The following FCRL3 variants were observed in gnomAD, a reference collection of about 807,000 sequenced individuals.
FCRL3 encodes Fc receptor-like protein 3.
Under a neutral mutation model 75.0 loss-of-function variants are expected in FCRL3, and 89 were observed. The observed-to-expected ratio is 1.19, with a 90% CI of 1.00 to 1.42. The LOEUF is 1.42. Ranked by LOEUF, FCRL3 falls within the 40% of genes most tolerant of loss-of-function variation. FCRL3 has a pLI of 0.00. For missense variants in FCRL3, 946 were observed against 880.0 expected, an observed-to-expected ratio of 1.07 and a Z score of -0.95; for synonymous variants, 376 against 348.5, an observed-to-expected ratio of 1.08 and a Z score of -0.88.
rs140417942 is a variant in FCRL3 at position 157,684,607 on chromosome 1, T to A, written c.1811-1363A>T. 9.3e-3 allele frequency among the ~76,000 whole-genome samples: 1,423 copies of A among 152,280 alleles called. 9 individuals are homozygous for A. The highest frequency in any genetic ancestry group is 0.014 in the Non-Finnish European group (945 of 68,016). On this transcript the variant is annotated intron_variant, in intron 10 of 14. Transcript: ENST00000368184. ...TGGCTATTTATTATACAAGCTAATA[T>A]TCCTTGAAGACATATGGGCCAGCAC...
At position 157,689,812 on chromosome 1, in the gene FCRL3, G is replaced by T. The variant is rs979690304; in HGVS notation, c.1796C>A (p.Ala599Asp). The part of the protein sequence containing the change: ...AAAALLHYAR[A>D]RRKPGGLSAT... ...TAGACACCCACCTGGTTTCCTTCGG[G>T]CCCTGGCGTAATGCAGCAGAGCAGC... Residue 599 changes from alanine to aspartate, a missense_variant, in exon 10 of 15, where the codon GCC becomes GAC. Transcript: ENST00000368184. 1.9e-6 allele frequency: 3 copies of T among 1,614,108 alleles called. No individual in the cohort carries two copies. The highest frequency in any genetic ancestry group is 2.5e-6 in the Non-Finnish European group (3 of 1,180,002).
rs774480933 is a variant in FCRL3 at position 157,699,526 on chromosome 1, CT to C, written c.52+165del. On this transcript the variant is annotated intron_variant, in intron 3 of 14. Transcript: ENST00000368184. ...AGAAAAAAAAAAAAAAACCTAGAGA[CT>C]GAAAAAGTCGGAGGAGGCTCTGTTC... Among the ~76,000 whole-genome samples, 157 of 151,082 alleles carry C rather than the reference CT, an allele frequency of 1.0e-3. 2 individuals are homozygous for C. The highest frequency in any genetic ancestry group is 1.5e-3 in the Admixed American group (22 of 15,166).
chr1:157,680,291 A>G (rs1255463874), intron 13 of FCRL3, among the ~76,000 whole-genome samples: 1 of 152,224 alleles, frequency 6.6e-6, no homozygotes, highest in Non-Finnish European at 1.5e-5. Context: ...GATGTGAACA[A>G]TAGAGCACCT....
chr1:157,679,861 TG>T (rs1654726843), intron 13 of FCRL3, among the ~76,000 whole-genome samples: 2 of 35,008 alleles, frequency 5.7e-5, no homozygotes, highest in African/African-American at 1.6e-4. Flanking sequence ...AAAAAAAAAA[TG>T]ACAGAAACTC....
chr1:157,690,586 A>C, intron 8 of FCRL3, 53 bp from the exon 9 acceptor site: 1 of 1,589,690 alleles, frequency 6.3e-7, no homozygotes, highest in Admixed American at 1.7e-5. Context: ...GGTATACAAG[A>C]GAACTTAATA....
chr1:157,679,150 T>C, intron 13 of FCRL3, 177 bp from the exon 14 acceptor site: 1 of 694,194 alleles, frequency 1.4e-6, no homozygotes, highest in Non-Finnish European at 2.5e-6. Context: ...ATCTTCTTGA[T>C]TTGCTTGATC....
At chr1:157,692,789 T>G (rs1383802056) in intron 8 of FCRL3, among the ~76,000 whole-genome samples, 2 of 152,240 alleles carry the variant, frequency 1.3e-5, no homozygotes, top group East Asian at 3.8e-4. Context: ...TATTTCATAT[T>G]GCTAATGCTT....
intron 6 of FCRL3, 79 bp downstream of exon 6, chr1:157,697,061 A>G (rs1000151000): frequency 6.2e-6 from 8 of 1,300,026 alleles, no homozygotes; most frequent in South Asian, 2.7e-5. Context: ...TATGTCCACC[A>G]TCCTAGGGGT....
In FCRL3 at chr1:157,678,402, T is replaced by G; in HGVS notation, c.*308A>C. The G allele has an allele frequency of 8.3e-7, 1 of 1,197,758 alleles. No homozygotes were observed. Among genetic ancestry groups the G allele is most frequent in the Non-Finnish European group, 1.0e-6 (1 of 958,770 alleles). 74.2% of individuals were successfully genotyped at this position (1,197,758 alleles called of 1,614,324 possible). Reference sequence around the variant, plus strand: ...TCAAATGGTCATGATTGTGCCCTTGTAACCCTGGCTAGACCATTTCTCTCT... The same window carrying G: ...TCAAATGGTCATGATTGTGCCCTTGGAACCCTGGCTAGACCATTTCTCTCT... On this transcript the variant is annotated 3_prime_UTR_variant, in exon 15 of 15. Coordinates refer to ENST00000368184, the MANE Select transcript of FCRL3 (RefSeq NM_052939.4).
At chr1:157,693,888 C>T (rs1655728236) in intron 8 of FCRL3, among the ~76,000 whole-genome samples, 1 of 152,084 alleles carries the variant, frequency 6.6e-6, no homozygotes, top group Non-Finnish European at 1.5e-5. Flanking sequence ...TCTGAGAGTA[C>T]AGGCGCATGC....
chr1:157,698,028 C>T, intron 4 of FCRL3, 109 bp from the exon 5 acceptor site: 1 of 1,277,080 alleles, frequency 7.8e-7, no homozygotes, highest in Non-Finnish European at 1.1e-6. Context: ...CTGCAAATGG[C>T]CCCCACCCAC....
At chr1:157,686,865 T>A (rs1020752631) in intron 10 of FCRL3, among the ~76,000 whole-genome samples, 1 of 151,994 alleles carries the variant, frequency 6.6e-6, no homozygotes, top group Non-Finnish European at 1.5e-5. Flanking sequence ...ATACAATCCT[T>A]GACATCAGCT....
chr1:157,691,380 G>A (rs756594029), intron 8 of FCRL3, among the ~76,000 whole-genome samples: 18 of 152,222 alleles, frequency 1.2e-4, no homozygotes, highest in Non-Finnish European at 2.4e-4. Flanking sequence ...GATATAAGCC[G>A]TGTGCTTTAT....
At position 157,697,725 on chromosome 1, in the gene FCRL3, C is replaced by A; in HGVS notation, c.493G>T (p.Ala165Ser). The part of the protein sequence containing the change: ...SRDNSKYHCT[A>S]YRKFYILDIE... ...TCAAGTATGTAAAACTTCCTATAAG[C>A]AGTACAATGATATTTGCTATTATCC... Residue 165 changes from alanine to serine, a missense_variant, in exon 5 of 15, where the codon GCT becomes TCT. Coordinates refer to ENST00000368184, the MANE Select transcript of FCRL3 (RefSeq NM_052939.4). 1 of 1,613,858 alleles carries A rather than the reference C, an allele frequency of 6.2e-7. No individual in the cohort carries two copies. The highest frequency in any genetic ancestry group is 1.3e-5 in the African/African-American group (1 of 75,024).
At chr1:157,699,607 G>A (rs1656182745) in intron 3 of FCRL3, 85 bp downstream of exon 3, 6 of 1,416,740 alleles carry the variant, frequency 4.2e-6, no homozygotes, top group African/African-American at 1.4e-5. Flanking sequence ...GATGGGATGC[G>A]TGCCTGCAAG....
Position 157,678,848 on chromosome 1 carries a change from T to G in FCRL3, c.2067A>C (p.Thr689=), listed in dbSNP as rs549241710. The part of the protein sequence containing the change: ...PMMHQEHEEL[T]VLYSELKKTH... ...TCTTCTTCAGTTCTGAATAGAGGAC[T>G]GTAAGTTCCTGGTAGAAAAAAACAC... Residue 689 remains threonine (T), a synonymous_variant, in exon 15 of 15, where the codon ACA becomes ACC. Transcript: ENST00000368184. The G allele has an allele frequency of 6.2e-7, 1 of 1,613,998 alleles. No homozygotes were observed. The highest frequency in any genetic ancestry group is 2.2e-5 in the East Asian group (1 of 44,872).
chr1:157,698,080 C>T lies in FCRL3; in HGVS notation c.299-161G>A, dbSNP rs931881744. The T allele has an allele frequency of 1.8e-5, 15 of 817,418 alleles. 1 individual carries two copies. Among genetic ancestry groups the T allele is most frequent in the Non-Finnish European group, 2.8e-5 (15 of 534,734 alleles). 50.6% of individuals were successfully genotyped at this position (817,418 alleles called of 1,614,324 possible). On this transcript the variant is annotated intron_variant, in intron 4 of 14. Coordinates refer to ENST00000368184, the MANE Select transcript of FCRL3 (RefSeq NM_052939.4). ...AAATACCTGATTCTTCCTTGCCCTACAAGGGTGAACCAATTCCCAGAAAAT... is the reference window on the plus strand; with the variant it reads ...AAATACCTGATTCTTCCTTGCCCTATAAGGGTGAACCAATTCCCAGAAAAT...
Position 157,678,326 on chromosome 1 carries a change from A to C in FCRL3, c.*384T>G. On this transcript the variant is annotated 3_prime_UTR_variant, in exon 15 of 15. Transcript: ENST00000368184. ...CAAAAAAGGGAAACAAAATATTTGG[A>C]GCAAATTGTTTATACAGAGAGCACA... is the stretch of plus-strand genomic sequence containing the variant. 1 of 1,018,534 alleles carries C rather than the reference A, an allele frequency of 9.8e-7. No individual in the cohort carries two copies. Among genetic ancestry groups the C allele is most frequent in the Non-Finnish European group, 1.2e-6 (1 of 850,558 alleles). The allele number at this position is 1,018,534 out of a possible 1,614,324, so 63.1% of individuals were successfully genotyped here.
At position 157,690,496 on chromosome 1, in the gene FCRL3, G is replaced by A. The variant is rs777639956; in HGVS notation, c.1449C>T (p.Pro483=). 9 of 1,614,220 alleles carry A rather than the reference G, an allele frequency of 5.6e-6. No individual in the cohort carries two copies. Among genetic ancestry groups the A allele is most frequent in the Admixed American group, 1.7e-5 (1 of 60,026 alleles). Residue 483 remains proline (P), a synonymous_variant, in exon 9 of 15, where the codon CCC becomes CCT. Coordinates refer to ENST00000368184, the MANE Select transcript of FCRL3 (RefSeq NM_052939.4). ...GGTCCCCCACCACAGCCTGGGCCCCGGGAGCCCTGAGGGTGAGGACGGGGC... is the reference window on the plus strand; with the variant it reads ...GGTCCCCCACCACAGCCTGGGCCCCAGGAGCCCTGAGGGTGAGGACGGGGC... ...VSRPVLTLRA[P]GAQAVVGDLL... is the part of the protein sequence containing the mutation.
Sources: gnomAD v4.1 joint callset for allele counts (sites outside exome capture counted in the v4.1 genomes callset) on GRCh38, gnomAD v4.1.1 for gene constraint, MANE v1.5 for transcripts, NCBI Gene and HGNC (gene_info 2026-07-23, HGNC 2026-07-21) for gene names.